Variants in PPP2R3B observed in about 807,000 individuals in gnomAD.
The protein encoded by PPP2R3B is serine/threonine-protein phosphatase 2A regulatory subunit B'' subunit beta.
In PPP2R3B, 68 loss-of-function variants were observed where a neutral mutation model predicts 72.9. The observed-to-expected ratio is 0.93, with a 90% CI of 0.77 to 1.14. PPP2R3B has a LOEUF of 1.14. Among genes scored for constraint, PPP2R3B ranks in the 50% most tolerant of loss-of-function variants. The pLI is 0.00. For synonymous variants in PPP2R3B, 466 were observed against 375.8 expected (o/e 1.24, Z -2.78); for missense variants, 1,018 against 842.0 (o/e 1.21, Z -2.59).
intron 1 of PPP2R3B, among the ~76,000 whole-genome samples, chrX:364,286 G>A (rs1293615715): frequency 6.6e-6 from 1 of 152,150 alleles, no homozygotes; most frequent in Non-Finnish European, 1.5e-5. Context: ...GGTACGAGCT[G>A]GGCAGGGGGG....
chrX:341,801 C>T (rs2071084451), intron 8 of PPP2R3B, 82 bp downstream of exon 8: 29 of 1,483,612 alleles, frequency 2.0e-5, no homozygotes, highest in South Asian at 1.8e-4. Context: ...GCACAAAAAG[C>T]TCACGTCAGG....
chrX:339,141 G>C (rs1300555931), intron 10 of PPP2R3B, among the ~76,000 whole-genome samples: 1 of 63,830 alleles, frequency 1.6e-5, no homozygotes, highest in African/African-American at 4.9e-5. Flanking sequence ...TGCGTGGACT[G>C]GGACTAGCGC....
intron 2 of PPP2R3B, among the ~76,000 whole-genome samples, chrX:356,824 G>GTAACCACGCCTTGGCCAGCCACACAGC (rs1569397725): frequency 4.9e-5 from 5 of 101,256 alleles, no homozygotes; most frequent in Non-Finnish European, 8.3e-5. Context: ...CAGCCACACG[G>GTAACCACGCCTTGGCCAGCCACACAGC]GAGCCCCACG....
chrX:383,852 A>C (rs867072541), intron 1 of PPP2R3B, among the ~76,000 whole-genome samples: 3 of 139,358 alleles, frequency 2.2e-5, no homozygotes, highest in African/African-American at 9.6e-5. Flanking sequence ...AAAAAAAAAA[A>C]AAAAAAAAAA....
At chrX:375,989 C>T (rs1194280017) in intron 1 of PPP2R3B, among the ~76,000 whole-genome samples, 3 of 152,064 alleles carry the variant, frequency 2.0e-5, no homozygotes, top group Non-Finnish European at 4.4e-5. Flanking sequence ...GTCAGGAGTT[C>T]GAGACCAGCC....
chrX:356,918 G>A (rs867279584), intron 2 of PPP2R3B, among the ~76,000 whole-genome samples: 36 of 117,308 alleles, frequency 3.1e-4, no homozygotes, highest in Middle Eastern at 4.2e-3. Context: ...CGGTAACCAC[G>A]CCTTCGCCAG....
intron 7 of PPP2R3B, chrX:345,297 C>T (rs1265101015): frequency 1.4e-6 from 1 of 733,132 alleles, no homozygotes; most frequent in Non-Finnish European, 2.4e-6. Context: ...CGCCCCCAGG[C>T]AGAGGCCTCG....
At chrX:338,959 G>A in intron 10 of PPP2R3B, 63 bp from the exon 11 acceptor site, 1 of 1,363,738 alleles carries the variant, frequency 7.3e-7, no homozygotes, top group Non-Finnish European at 1.0e-6. Flanking sequence ...GCCTGGGTGT[G>A]GGGTGCGCGC....
intron 1 of PPP2R3B, among the ~76,000 whole-genome samples, chrX:384,491 C>T (rs867722759): frequency 8.6e-5 from 13 of 151,974 alleles, no homozygotes; most frequent in Middle Eastern, 3.4e-3. Flanking sequence ...GATGGGGTTT[C>T]GCCATGTTGC....
Position 334,298 on chromosome X carries a change from A to C in PPP2R3B, c.*69T>G. ...GCACTCATTTTCCACAACAGTTTTT[A>C]CACGAGCCGCGGTGGCCCGGTGGTG... On this transcript the variant is annotated 3_prime_UTR_variant, in exon 13 of 13. Coordinates refer to ENST00000390665, the MANE Select transcript of PPP2R3B (RefSeq NM_013239.5). 1 of 1,405,108 alleles carries C rather than the reference A, an allele frequency of 7.1e-7. No individual in the cohort carries two copies. Among genetic ancestry groups the C allele is most frequent in the Non-Finnish European group, 9.3e-7 (1 of 1,077,518 alleles). 87.0% of individuals were successfully genotyped at this position (1,405,108 alleles called of 1,614,324 possible). A position where few individuals can be genotyped will look rare whatever the true frequency, so the allele number is the denominator to read the frequency against.
At chrX:373,647 C>G (rs868848180) in intron 1 of PPP2R3B, 2 of 275,132 alleles carry the variant, frequency 7.3e-6, no homozygotes, top group Non-Finnish European at 1.5e-5. Context: ...CGAGCGCTCG[C>G]GGAGTCGCAT....
chrX:370,333 G>A (rs772424385), intron 1 of PPP2R3B, among the ~76,000 whole-genome samples: 3 of 152,320 alleles, frequency 2.0e-5, no homozygotes, highest in African/African-American at 7.2e-5. Context: ...GAGCAACCGG[G>A]CCTCAACGGA....
At chrX:352,266 A>G (rs1243314432) in intron 2 of PPP2R3B, among the ~76,000 whole-genome samples, 1 of 152,256 alleles carries the variant, frequency 6.6e-6, no homozygotes, top group Non-Finnish European at 1.5e-5. Flanking sequence ...ATCGACACAC[A>G]GAAAGACCGA....
At chrX:338,378 G>T in intron 12 of PPP2R3B, 1 of 607,228 alleles carries the variant, frequency 1.6e-6, no homozygotes. Context: ...AACCCCACGC[G>T]GGGAATGACG....
intron 9 of PPP2R3B, 86 bp from the exon 10 acceptor site, chrX:341,026 T>G: frequency 3.3e-6 from 5 of 1,523,344 alleles, no homozygotes; most frequent in Non-Finnish European, 4.4e-6. Context: ...CCACCGGGGG[T>G]GCACGCGTCC....
Position 340,845 on chromosome X carries a change from A to C in PPP2R3B, c.1271T>G (p.Leu424Arg), listed in dbSNP as rs1244630715. ...CAGGGCCTCGATGGCCATGCTGTCC[A>C]GCCTTCGGCACTGCTCCTCGTAGAA... Reference protein sequence around the residue: ...EYFYEEQCRRLDSMAIEALPF... With the variant: ...EYFYEEQCRRRDSMAIEALPF... Residue 424 changes from leucine (L) to arginine (R), a missense_variant, in exon 10 of 13, where the codon CTG becomes CGG. By Grantham distance (102) the Leu-to-Arg change is moderately radical. Transcript: ENST00000390665. 2.5e-6 allele frequency: 4 copies of C among 1,611,876 alleles called. No homozygotes were observed. The highest frequency in any genetic ancestry group is 3.4e-6 in the Non-Finnish European group (4 of 1,179,688).
chrX:346,732 G>A lies in PPP2R3B; in HGVS notation c.761C>T (p.Ala254Val), dbSNP rs1419224146. The A allele has an allele frequency of 1.9e-6, 3 of 1,610,172 alleles. No individual in the cohort carries two copies. In the African/African-American group the frequency reaches 4.0e-5, roughly 22 times the overall value. The change falls in exon 5 of 13, where the codon GCG becomes GTG. Residue 254 changes from alanine to valine, a missense_variant. Transcript: ENST00000390665. ...GATGTAGCGCGAGTGGAACTCGGAC[G>A]CCTCCTTCAGGAACGACAGCCCCGG... The part of the protein sequence containing the change: ...THPGLSFLKE[A>V]SEFHSRYITT...
Position 361,584 on chromosome X carries a change from T to C in PPP2R3B, c.331A>G (p.Thr111Ala), listed in dbSNP as rs766794007. ...GGGGGCAGAGGCTCTTCTTTCCGTGTCTGAACCTGAAGAGTCGACAGACAG... is the reference window on the plus strand; with the variant it reads ...GGGGGCAGAGGCTCTTCTTTCCGTGCCTGAACCTGAAGAGTCGACAGACAG... ...RRSAGTRVVQ[T>A]RKEEPLPPAT... The change falls in exon 2 of 13, where the codon ACA becomes GCA. Residue 111 changes from threonine to alanine, a missense_variant. Thr to Ala is a moderately conservative substitution (Grantham distance 58). Transcript: ENST00000390665. The C allele has an allele frequency of 8.1e-6, 13 of 1,613,748 alleles. No individual in the cohort carries two copies. The highest frequency in any genetic ancestry group is 1.1e-5 in the Non-Finnish European group (13 of 1,179,790).
chrX:384,311 T>A (rs183587674), intron 1 of PPP2R3B, among the ~76,000 whole-genome samples: 152 of 150,628 alleles, frequency 1.0e-3, no homozygotes, highest in African/African-American at 3.4e-3. Context: ...TTTTTTTTTT[T>A]TTTGAGACAG....
Sources: gnomAD v4.1 joint callset for allele counts (sites outside exome capture counted in the v4.1 genomes callset) on GRCh38, gnomAD v4.1.1 for gene constraint, MANE v1.5 for transcripts, NCBI Gene and HGNC (gene_info 2026-07-23, HGNC 2026-07-21) for gene names.